The following GRID1 variants were observed in gnomAD, a reference collection of about 807,000 sequenced individuals.
The protein encoded by GRID1 is glutamate receptor ionotropic, delta-1.
In GRID1, 28 loss-of-function variants were observed where a neutral mutation model predicts 98.0. The ratio of observed to expected loss-of-function variants is 0.29; its 90% CI spans 0.21 to 0.39. The LOEUF (loss-of-function observed/expected upper bound fraction) is 0.39. Among genes scored for constraint, GRID1 ranks in the 10% least tolerant of loss-of-function variants. GRID1 has a pLI of 1.00. For missense variants in GRID1, 1,111 were observed against 1,340.5 expected (o/e 0.83, Z 2.67); for synonymous variants, 553 against 538.5 (o/e 1.03, Z -0.37).
At position 86,195,239 on chromosome 10, in the gene GRID1, T is replaced by C. The variant is rs1358875692; in HGVS notation, c.520+11125A>G. 2.0e-5 allele frequency among the ~76,000 whole-genome samples: 3 copies of C among 152,146 alleles called. No homozygotes were observed. The highest frequency in any genetic ancestry group is 6.8e-3 in the Middle Eastern group (2 of 294). The stretch of plus-strand genomic sequence containing the variant: ...GAGAAACAGCCAAGCAAAACCCACT[T>C]CTACATTTGCTGTAAAGGTTGAGCT... On this transcript the variant is annotated intron_variant, in intron 3 of 15. Coordinates refer to ENST00000327946, the MANE Select transcript of GRID1 (RefSeq NM_017551.3). The surrounding 1 kb of genome is among the most constrained non-coding windows in gnomAD (Gnocchi z 4.4).
intron 4 of GRID1, among the ~76,000 whole-genome samples, chr10:86,092,099 A>AGCTG (rs1229860867): frequency 3.9e-5 from 6 of 152,166 alleles, no homozygotes; most frequent in Admixed American, 3.9e-4. Context: ...AAAAAATCAC[A>AGCTG]CTAGTTCACC....
At chr10:86,132,303 C>T (rs1330158031) in intron 4 of GRID1, among the ~76,000 whole-genome samples, 1 of 152,240 alleles carries the variant, frequency 6.6e-6, no homozygotes, top group Non-Finnish European at 1.5e-5. Context: ...TGTTCCCTTC[C>T]TGAACTCAGC....
chr10:86,167,489 A>T (rs1589395010), intron 3 of GRID1, among the ~76,000 whole-genome samples: 1 of 152,294 alleles, frequency 6.6e-6, no homozygotes, highest in East Asian at 1.9e-4. Context: ...GTTCCCAAGG[A>T]CCTCAGGATC....
intron 6 of GRID1, among the ~76,000 whole-genome samples, chr10:85,856,668 G>A (rs1289061422): frequency 6.6e-6 from 1 of 152,224 alleles, no homozygotes; most frequent in Non-Finnish European, 1.5e-5. Flanking sequence ...GGGCTTAGTA[G>A]TCTCTTTTGC....
At chr10:86,111,783 T>C (rs1240065411) in intron 4 of GRID1, among the ~76,000 whole-genome samples, 1 of 152,120 alleles carries the variant, frequency 6.6e-6, no homozygotes, top group Non-Finnish European at 1.5e-5. Flanking sequence ...TTGAAGGAAG[T>C]CAAAGAACTC....
intron 12 of GRID1, among the ~76,000 whole-genome samples, chr10:85,652,927 T>G (rs1250448092): frequency 6.6e-6 from 1 of 152,184 alleles, no homozygotes; most frequent in African/African-American, 2.4e-5. Flanking sequence ...TTCCTACTTT[T>G]GTGGATTTTA....
intron 2 of GRID1, among the ~76,000 whole-genome samples, chr10:86,326,654 C>G (rs1387774276): frequency 6.6e-6 from 1 of 152,094 alleles, no homozygotes; most frequent in East Asian, 1.9e-4. Flanking sequence ...ACTGTTGGAC[C>G]AAGCAAATGG....
intron 4 of GRID1, among the ~76,000 whole-genome samples, chr10:86,021,641 G>A (rs922312403): frequency 2.0e-5 from 3 of 152,010 alleles, no homozygotes; most frequent in African/African-American, 7.3e-5. Context: ...ACCATCCCAT[G>A]CCTCAGTACC....
At chr10:86,205,835 T>G (rs1846017669) in intron 3 of GRID1, among the ~76,000 whole-genome samples, 1 of 152,126 alleles carries the variant, frequency 6.6e-6, no homozygotes, top group Non-Finnish European at 1.5e-5. Context: ...AAAGAAGCCA[T>G]GCCCAGCCCT....
intron 8 of GRID1, among the ~76,000 whole-genome samples, chr10:85,818,347 T>C (rs7093537): frequency 0.01 from 1,141 of 112,414 alleles, 16 homozygotes; most frequent in African/African-American, 0.033. Context: ...GATGAATGGA[T>C]AGATAGACAG....
chr10:86,176,221 C>T (rs556855646), intron 3 of GRID1, among the ~76,000 whole-genome samples: 9 of 152,324 alleles, frequency 5.9e-5, no homozygotes, highest in Admixed American at 5.9e-4. Flanking sequence ...TGTCTTTGAA[C>T]ACCACGTTCT....
chr10:85,817,570 A>T (rs1842727003), intron 8 of GRID1, among the ~76,000 whole-genome samples: 1 of 151,514 alleles, frequency 6.6e-6, no homozygotes, highest in Non-Finnish European at 1.5e-5. Flanking sequence ...ATGTCAAAAG[A>T]TTCCAGGATG....
intron 12 of GRID1, among the ~76,000 whole-genome samples, chr10:85,663,346 C>G (rs908791804): frequency 6.6e-6 from 1 of 152,170 alleles, no homozygotes; most frequent in Non-Finnish European, 1.5e-5. Flanking sequence ...GGTAATGCAT[C>G]TACAAGCCAA....
At chr10:85,801,390 GAAAT>G (rs1484031117) in intron 8 of GRID1, among the ~76,000 whole-genome samples, 1 of 151,640 alleles carries the variant, frequency 6.6e-6, no homozygotes, top group African/African-American at 2.4e-5. Context: ...GATCTGAAAA[GAAAT>G]AAAAATTATT....
chr10:86,313,224 A>G (rs1434281066), intron 2 of GRID1, among the ~76,000 whole-genome samples: 5 of 152,248 alleles, frequency 3.3e-5, no homozygotes, highest in African/African-American at 1.2e-4. Flanking sequence ...CCATTAAAAT[A>G]ACCATGAAAA....
At chr10:85,750,627 A>G (rs1407619772) in intron 8 of GRID1, among the ~76,000 whole-genome samples, 1 of 152,206 alleles carries the variant, frequency 6.6e-6, no homozygotes, top group Non-Finnish European at 1.5e-5. Context: ...TCTAGAAATG[A>G]GCACAATGAC....
chr10:86,259,266 C>A (rs943229242), intron 2 of GRID1, among the ~76,000 whole-genome samples: 27 of 152,156 alleles, frequency 1.8e-4, no homozygotes, highest in African/African-American at 6.0e-4. Flanking sequence ...ACAGTTTAAC[C>A]CAAAAATGTA....
In GRID1 at chr10:86,306,436, C is replaced by T. The variant is rs772434047; in HGVS notation, c.235+57505G>A. On this transcript the variant is annotated intron_variant, in intron 2 of 15. Coordinates refer to ENST00000327946, the MANE Select transcript of GRID1 (RefSeq NM_017551.3). ...ATAGCTCCTAGTCACATTTGGCACT[C>T]CCTTATCTGATTCAAGGAGACTTCC... Among the ~76,000 whole-genome samples, 140 of 152,318 alleles carry T rather than the reference C, an allele frequency of 9.2e-4. 1 individual carries two copies. Among genetic ancestry groups the T allele is most frequent in the Non-Finnish European group, 1.5e-3 (104 of 68,034 alleles).
At chr10:85,648,382 T>C (rs941510696) in intron 12 of GRID1, among the ~76,000 whole-genome samples, 2 of 152,074 alleles carry the variant, frequency 1.3e-5, no homozygotes, top group East Asian at 1.9e-4. Flanking sequence ...CCAAACAGAA[T>C]TGCAAAATAA....
Sources: gnomAD v4.1 joint callset for allele counts (sites outside exome capture counted in the v4.1 genomes callset) on GRCh38, gnomAD v4.1.1 for gene constraint, Gnocchi (gnomAD v3.1) non-coding constraint, MANE v1.5 for transcripts, NCBI Gene and HGNC (gene_info 2026-07-23, HGNC 2026-07-21) for gene names.